GRID2: variants seen among roughly 807,000 people sequenced by gnomAD.
The protein encoded by GRID2 is glutamate ionotropic receptor delta type subunit 2.
A neutral mutation model predicts 114.8 loss-of-function variants in GRID2; 33 were observed. That is an observed-to-expected ratio of 0.29 (90% confidence interval 0.22 to 0.38). The LOEUF (loss-of-function observed/expected upper bound fraction) is 0.38, where lower values mean the gene tolerates loss of function less well. Ranked by LOEUF, GRID2 falls within the 10% of genes least tolerant of loss-of-function variation. The pLI is 1.00. For synonymous variants in GRID2, 505 were observed against 449.9 expected (o/e 1.12, Z -1.55); for missense variants, 1,184 against 1,257.7 (o/e 0.94, Z 0.89).
chr4:92,918,234 G>T (rs1206291489), intron 2 of GRID2, among the ~76,000 whole-genome samples: 1 of 152,152 alleles, frequency 6.6e-6, no homozygotes, highest in African/African-American at 2.4e-5. Flanking sequence ...TTGCCTATCA[G>T]CTTAAGGATA....
At chr4:92,523,724 C>T (rs191585207) in intron 1 of GRID2, among the ~76,000 whole-genome samples, 41 of 151,906 alleles carry the variant, frequency 2.7e-4, no homozygotes, top group African/African-American at 8.0e-4. Context: ...AGCAGAGGGA[C>T]GCAGGTGGAA....
chr4:93,794,165 G>A (rs1447982141), intron 1 of GRID2, among the ~76,000 whole-genome samples: 1 of 152,164 alleles, frequency 6.6e-6, no homozygotes, highest in Non-Finnish European at 1.5e-5. Context: ...CTATCAGGGT[G>A]TCCCTAATCT....
chr4:93,234,596 A>C (rs912542786), intron 7 of GRID2, among the ~76,000 whole-genome samples: 7 of 151,622 alleles, frequency 4.6e-5, no homozygotes, highest in Non-Finnish European at 8.8e-5. Flanking sequence ...TGGCAACTCA[A>C]ATTTTCCTAG....
intron 13 of GRID2, among the ~76,000 whole-genome samples, chr4:93,598,435 C>A (rs929114991): frequency 6.6e-6 from 1 of 152,106 alleles, no homozygotes; most frequent in African/African-American, 2.4e-5. Context: ...CTGTGCTAAG[C>A]ACCAATGAAT....
chr4:93,018,312 T>A (rs937572654), intron 2 of GRID2, among the ~76,000 whole-genome samples: 1 of 152,036 alleles, frequency 6.6e-6, no homozygotes, highest in Non-Finnish European at 1.5e-5. Flanking sequence ...TGGCATTTTC[T>A]TCTAGGTTTG....
rs149307179 is a variant in GRID2, at chr4:93,693,309, G to A, written c.2360+66874G>A. ...TCTGGGTGAAGTACAATGAACATTT[G>A]TTTGACAACTTTGACATCTGCTTCG... On this transcript the variant is annotated intron_variant, in intron 14 of 15. Coordinates refer to ENST00000282020, the MANE Select transcript of GRID2 (RefSeq NM_001510.4). 1.6e-3 allele frequency among the ~76,000 whole-genome samples: 246 copies of A among 152,214 alleles called. 2 individuals are homozygous for A. The highest frequency in any genetic ancestry group is 2.5e-3 in the Non-Finnish European group (172 of 67,992).
intron 13 of GRID2, among the ~76,000 whole-genome samples, chr4:93,625,093 T>A (rs1471417570): frequency 6.6e-6 from 1 of 152,186 alleles, no homozygotes; most frequent in Non-Finnish European, 1.5e-5. Context: ...AGGGCAGCAT[T>A]GTCATTTTTT....
intron 4 of GRID2, among the ~76,000 whole-genome samples, chr4:93,183,211 ATGAGG>A (rs1740069031): frequency 6.6e-6 from 1 of 152,186 alleles, no homozygotes; most frequent in Admixed American, 6.5e-5. Context: ...TTAAAAAAAA[ATGAGG>A]TGATCCATTT....
In GRID2 at chr4:93,382,378, G is replaced by A. The variant is rs1412303883; in HGVS notation, c.1246-13229G>A. ...CCATAATGCATCTGTTTGTCCACTTGATGGTGTACCAATGGTTCCTTATTC... is the reference window on the plus strand; with the variant it reads ...CCATAATGCATCTGTTTGTCCACTTAATGGTGTACCAATGGTTCCTTATTC... On this transcript the variant is annotated intron_variant, in intron 8 of 15. Coordinates refer to ENST00000282020, the MANE Select transcript of GRID2 (RefSeq NM_001510.4). Among the ~76,000 whole-genome samples, 3 of 151,934 alleles carry A rather than the reference G, an allele frequency of 2.0e-5. No individual in the cohort carries two copies. In the East Asian group the frequency reaches 5.8e-4, roughly 29 times the overall value.
At position 93,589,994 on chromosome 4, in the gene GRID2, T is replaced by G. The variant is rs1218851675; in HGVS notation, c.2194-36275T>G. The stretch of plus-strand genomic sequence containing the variant: ...GTAGGTTGTGAAAATTTTCTCCCAT[T>G]TTGTAGGTTGCCTGTTCACTCTGAT... On this transcript the variant is annotated intron_variant, in intron 13 of 15. Coordinates refer to ENST00000282020, the MANE Select transcript of GRID2 (RefSeq NM_001510.4). Among the ~76,000 whole-genome samples, 79 of 150,860 alleles carry G rather than the reference T, an allele frequency of 5.2e-4. No individual in the cohort carries two copies. In the East Asian group the frequency reaches 7.4e-3, roughly 14 times the overall value.
rs796954096 is a variant in GRID2, at chr4:93,000,249, T to G, written c.245-84746T>G. Among the ~76,000 whole-genome samples, 7 of 151,654 alleles carry G rather than the reference T, an allele frequency of 4.6e-5. 1 individual carries two copies. The South Asian group carries it at 6.2e-4, about 13-fold the overall frequency. On this transcript the variant is annotated intron_variant, in intron 2 of 15. Coordinates refer to ENST00000282020, the MANE Select transcript of GRID2 (RefSeq NM_001510.4). ...TAACAGTGTTTTGTTTGTTTGTTTGTTTTGTCATCAAAGACACTATTAGCC... is the reference window on the plus strand; with the variant it reads ...TAACAGTGTTTTGTTTGTTTGTTTGGTTTGTCATCAAAGACACTATTAGCC...
At chr4:92,754,469 A>T (rs940271447) in intron 2 of GRID2, among the ~76,000 whole-genome samples, 2 of 152,122 alleles carry the variant, frequency 1.3e-5, no homozygotes, top group African/African-American at 2.4e-5. Flanking sequence ...TTCAAACCCA[A>T]ATCTTTCAGT....
chr4:92,949,106 C>A (rs747748371), intron 2 of GRID2, among the ~76,000 whole-genome samples: 1 of 150,490 alleles, frequency 6.6e-6, no homozygotes, highest in South Asian at 2.1e-4. Flanking sequence ...CTGGAGGCAT[C>A]CTTGTTATAC....
At chr4:92,442,217 C>T (rs1481787389) in intron 1 of GRID2, among the ~76,000 whole-genome samples, 2 of 151,450 alleles carry the variant, frequency 1.3e-5, no homozygotes, top group South Asian at 2.1e-4. Context: ...GGCGATCGGG[C>T]GGTGTTAGTT....
intron 8 of GRID2, among the ~76,000 whole-genome samples, chr4:93,250,800 T>C (rs1748819875): frequency 6.7e-6 from 1 of 149,782 alleles, no homozygotes; most frequent in African/African-American, 2.4e-5. Flanking sequence ...TATATATACA[T>C]AGAAAGAGAG....
At chr4:93,680,772 C>T (rs955767844) in intron 14 of GRID2, among the ~76,000 whole-genome samples, 8 of 151,914 alleles carry the variant, frequency 5.3e-5, no homozygotes, top group East Asian at 1.9e-4. Context: ...ATTGATGGGA[C>T]GTATCTCAAA....
chr4:93,371,906 C>T (rs1762965021), intron 8 of GRID2, among the ~76,000 whole-genome samples: 1 of 151,786 alleles, frequency 6.6e-6, no homozygotes, highest in South Asian at 2.1e-4. Flanking sequence ...CACCACCACA[C>T]CCGGCTAATT....
At chr4:92,734,494 A>G (rs1372995954) in intron 2 of GRID2, among the ~76,000 whole-genome samples, 1 of 151,850 alleles carries the variant, frequency 6.6e-6, no homozygotes, top group Non-Finnish European at 1.5e-5. Context: ...ATGTTGCCCA[A>G]GTTGGTCTTG....
At chr4:93,338,349 G>C (rs754452267) in intron 8 of GRID2, among the ~76,000 whole-genome samples, 4 of 152,116 alleles carry the variant, frequency 2.6e-5, no homozygotes, top group African/African-American at 4.8e-5. Flanking sequence ...GATGATCTCT[G>C]TGGTGTAAAT....
Sources: gnomAD v4.1 joint callset for allele counts (sites outside exome capture counted in the v4.1 genomes callset) on GRCh38, gnomAD v4.1.1 for gene constraint, MANE v1.5 for transcripts, NCBI Gene and HGNC (gene_info 2026-07-23, HGNC 2026-07-21) for gene names.